TRAPPC9: variants seen among roughly 807,000 people sequenced by gnomAD.
The protein encoded by TRAPPC9 is trafficking protein particle complex subunit 9.
In TRAPPC9, 83 loss-of-function variants were observed where a neutral mutation model predicts 124.0. The ratio of observed to expected loss-of-function variants is 0.67; its 90% confidence interval spans 0.56 to 0.80. TRAPPC9 has a LOEUF of 0.80. Ranked by LOEUF, TRAPPC9 falls within the 30% of genes least tolerant of loss-of-function variation. TRAPPC9 has a pLI of 0.00. For synonymous variants in TRAPPC9, 638 were observed against 617.5 expected (o/e 1.03, Z -0.49); for missense variants, 1,302 against 1,508.3 (o/e 0.86, Z 2.27).
chr8:140,039,638 G>A (rs1003981391), intron 17 of TRAPPC9: 1 of 152,170 alleles, frequency 6.6e-6, no homozygotes, highest in African/African-American at 2.4e-5. Context: ...TCAGTGTTTT[G>A]ATAAAAAACT....
intron 21 of TRAPPC9, among the ~76,000 whole-genome samples, chr8:139,863,724 G>A (rs1049336128): frequency 4.6e-5 from 7 of 152,346 alleles, no homozygotes; most frequent in South Asian, 4.1e-4. Flanking sequence ...ACACGTCAAC[G>A]TGGGGAAGGC....
chr8:140,024,916 T>C (rs2131930142), intron 17 of TRAPPC9, among the ~76,000 whole-genome samples: 1 of 152,304 alleles, frequency 6.6e-6, no homozygotes, highest in South Asian at 2.1e-4. Flanking sequence ...TCAGGATGCT[T>C]CCTGGAACCC....
intron 6 of TRAPPC9, among the ~76,000 whole-genome samples, chr8:140,401,967 A>G (rs570212858): frequency 1.3e-5 from 2 of 148,868 alleles, no homozygotes; most frequent in South Asian, 4.3e-4. Flanking sequence ...TACCATCCAA[A>G]TTTTCATGGC....
At chr8:140,430,965 G>A (rs893932143) in intron 4 of TRAPPC9, among the ~76,000 whole-genome samples, 1 of 152,000 alleles carries the variant, frequency 6.6e-6, no homozygotes. Flanking sequence ...TCACTAATAA[G>A]GGCGGAATTT....
At chr8:140,320,295 G>A (rs2066558838) in intron 9 of TRAPPC9, among the ~76,000 whole-genome samples, 1 of 152,204 alleles carries the variant, frequency 6.6e-6, no homozygotes. Flanking sequence ...TACATAAGTG[G>A]AAAACAAAAC....
chr8:140,294,674 C>T (rs1371937796), intron 11 of TRAPPC9, among the ~76,000 whole-genome samples: 2 of 147,892 alleles, frequency 1.4e-5, no homozygotes. Context: ...GTGGTGTGAT[C>T]TCGGCTCACT....
At chr8:139,760,643 G>T (rs938875327) in intron 21 of TRAPPC9, among the ~76,000 whole-genome samples, 3 of 152,126 alleles carry the variant, frequency 2.0e-5, no homozygotes, top group African/African-American at 7.2e-5. Context: ...AGGGCTCCTC[G>T]CCTTCCACCA....
At chr8:139,786,235 A>C (rs1822239240) in intron 21 of TRAPPC9, among the ~76,000 whole-genome samples, 1 of 152,142 alleles carries the variant, frequency 6.6e-6, no homozygotes. Flanking sequence ...AACCCAGTAA[A>C]ATAATAGGCA....
At chr8:139,873,235 G>A (rs1483969125) in intron 21 of TRAPPC9, among the ~76,000 whole-genome samples, 2 of 152,102 alleles carry the variant, frequency 1.3e-5, no homozygotes, top group African/African-American at 2.4e-5. Flanking sequence ...GTCTGGGAAC[G>A]CTGGGTCAGT....
Position 140,014,354 on chromosome 8 carries a change from T to C in TRAPPC9, c.2699+9583A>G, listed in dbSNP as rs996571401. 2.0e-5 allele frequency among the ~76,000 whole-genome samples: 3 copies of C among 152,078 alleles called. No homozygotes were observed. The South Asian group carries it at 6.2e-4, about 32-fold the overall frequency. On this transcript the variant is annotated intron_variant, in intron 18 of 22. Coordinates refer to ENST00000438773, the MANE Select transcript of TRAPPC9 (RefSeq NM_001160372.4). The stretch of plus-strand genomic sequence containing the variant: ...AACAAGGTTACCAGGCAGCTCTGTG[T>C]AAAAAGCAAATCTCAAAGGTAATTT...
chr8:140,397,628 G>A lies in TRAPPC9; in HGVS notation c.1126C>T (p.Leu376Phe), dbSNP rs1401358264. 6.2e-7 allele frequency: 1 copy of A among 1,613,968 alleles called. No homozygotes were observed. The highest frequency in any genetic ancestry group is 1.3e-5 in the African/African-American group (1 of 74,922). The change falls in exon 7 of 23, where the codon CTT becomes TTT. Residue 376 changes from leucine (L) to phenylalanine (F), a missense_variant. Leu to Phe is a conservative substitution (Grantham distance 22, BLOSUM62 0). This residue lies in a region of TRAPPC9 where 657 missense variants were observed against 811.2 expected (regional missense o/e 0.81). Coordinates refer to ENST00000438773, the MANE Select transcript of TRAPPC9 (RefSeq NM_001160372.4). ...EFLQNAVYIN[L>F]RQLSEEEKIQ... is the part of the protein sequence containing the mutation. ...GGTAGACATACACTCACCTGTCGAA[G>A]GTTAATGTAAACTGCATTCTGAAGA...
intron 5 of TRAPPC9, among the ~76,000 whole-genome samples, chr8:140,413,143 C>A (rs1261598055): frequency 6.6e-6 from 1 of 152,194 alleles, no homozygotes; most frequent in Non-Finnish European, 1.5e-5. Flanking sequence ...AATCCCAGCA[C>A]TTTGGGAGGC....
chr8:140,111,979 T>G (rs887026441), intron 17 of TRAPPC9, among the ~76,000 whole-genome samples: 1 of 152,262 alleles, frequency 6.6e-6, no homozygotes, highest in African/African-American at 2.4e-5. Flanking sequence ...ATGGCAGGAC[T>G]TGGTGGTATG....
At chr8:139,779,896 G>T (rs1821676725) in intron 21 of TRAPPC9, among the ~76,000 whole-genome samples, 1 of 152,058 alleles carries the variant, frequency 6.6e-6, no homozygotes, top group Non-Finnish European at 1.5e-5. Context: ...AGTCAAATTT[G>T]AAAGTAAAAA....
intron 17 of TRAPPC9, among the ~76,000 whole-genome samples, chr8:140,152,121 T>C (rs2061552802): frequency 6.6e-6 from 1 of 151,324 alleles, no homozygotes; most frequent in Admixed American, 6.6e-5. Context: ...AAAGAGTAGT[T>C]AACACACATA....
intron 19 of TRAPPC9, among the ~76,000 whole-genome samples, chr8:139,939,741 T>G (rs1452053009): frequency 6.6e-6 from 1 of 152,254 alleles, no homozygotes. Context: ...TGATCATGGC[T>G]TATTCAGTAT....
At chr8:140,141,108 G>A (rs1021756078) in intron 17 of TRAPPC9, among the ~76,000 whole-genome samples, 1 of 152,206 alleles carries the variant, frequency 6.6e-6, no homozygotes, top group African/African-American at 2.4e-5. Flanking sequence ...TCATGGGAGA[G>A]TTCATTAAAA....
At chr8:139,959,695 C>T (rs765874142) in intron 19 of TRAPPC9, among the ~76,000 whole-genome samples, 1 of 152,210 alleles carries the variant, frequency 6.6e-6, no homozygotes, top group South Asian at 2.1e-4. Flanking sequence ...GCTACAATTA[C>T]AGGCACTGCT....
Position 140,044,253 on chromosome 8 carries a change from A to T in TRAPPC9, c.2557-20174T>A, listed in dbSNP as rs188749924. On this transcript the variant is annotated intron_variant, in intron 17 of 22. Transcript: ENST00000438773. ...GTTCCAGACACTGTGCTGGTCCAGA[A>T]GCAACAGAACAACAACGACCAAAAA... Among the ~76,000 whole-genome samples the T allele has an allele frequency of 4.3e-3, 656 of 150,918 alleles. 10 individuals carry two copies. Among genetic ancestry groups the T allele is most frequent in the African/African-American group, 0.015 (628 of 40,714 alleles).
Sources: allele counts gnomAD v4.1 joint callset (sites outside exome capture counted in the v4.1 genomes callset), GRCh38; gene constraint gnomAD v4.1.1; regional missense constraint gnomAD v4.1.1; transcripts MANE v1.5; gene names NCBI Gene and HGNC (gene_info 2026-07-23, HGNC 2026-07-21).